KLHL12: variants seen among roughly 807,000 people sequenced by gnomAD.
KLHL12 encodes the protein kelch like family member 12, also known as kelch-like protein 12.
In KLHL12, 17 loss-of-function variants were observed where a neutral mutation model predicts 60.8. That is an observed-to-expected ratio of 0.28 (90% confidence interval 0.19 to 0.42). The LOEUF is 0.42. Ranked by LOEUF, KLHL12 falls within the 10% of genes least tolerant of loss-of-function variation. The pLI is 1.00. For missense variants in KLHL12, 468 were observed against 722.3 expected (o/e 0.65, Z 4.04); for synonymous variants, 220 against 250.9 (o/e 0.88, Z 1.16).
At chr1:202,919,487 A>C (rs548201594) in intron 3 of KLHL12, among the ~76,000 whole-genome samples, 5 of 152,184 alleles carry the variant, frequency 3.3e-5, no homozygotes, top group Admixed American at 1.3e-4. Flanking sequence ...AAGAAAACAC[A>C]TAATTTCTCC....
intron 11 of KLHL12, 38 bp from the exon 12 acceptor site, chr1:202,892,697 C>G: frequency 3.7e-6 from 6 of 1,606,270 alleles, no homozygotes; most frequent in Non-Finnish European, 5.1e-6. Context: ...AATGAGTCAG[C>G]TGCGTGCAGT....
chr1:202,906,231 T>A (rs1046513007), intron 6 of KLHL12, among the ~76,000 whole-genome samples: 2 of 149,438 alleles, frequency 1.3e-5, no homozygotes, highest in Middle Eastern at 3.2e-3. Context: ...GGTGGGCGGA[T>A]CACCTGACGT....
At position 202,900,846 on chromosome 1, in the gene KLHL12, A is replaced by G. The variant is rs142286273; in HGVS notation, c.833-3886T>C. Among the ~76,000 whole-genome samples the G allele has an allele frequency of 2.4e-3, 360 of 152,270 alleles. 1 individual carries two copies. Among genetic ancestry groups the G allele is most frequent in the African/African-American group, 8.4e-3 (347 of 41,550 alleles). On this transcript the variant is annotated intron_variant, in intron 6 of 11. Transcript: ENST00000367261. ...ACCACTGCACTCCAGCCTAGGTGAC[A>G]GAGCAAGACTCTGTCTCAAAAAAAT...
In KLHL12 at chr1:202,918,478, G is replaced by A. The variant is rs1197103356; in HGVS notation, c.350-90C>T. ...TTGTATCTCAGCATCTTCTCTACATGTTATCAGATGAACCCTTGTTTCAAC... is the reference window on the plus strand; with the variant it reads ...TTGTATCTCAGCATCTTCTCTACATATTATCAGATGAACCCTTGTTTCAAC... On this transcript the variant is annotated intron_variant, in intron 3 of 11. Transcript: ENST00000367261. 1.4e-5 allele frequency: 13 copies of A among 950,342 alleles called. No individual in the cohort carries two copies. In the Admixed American group the frequency reaches 2.7e-4, roughly 19 times the overall value. The allele number at this position is 950,342 out of a possible 1,614,324, so 58.9% of individuals were successfully genotyped here.
At chr1:202,903,579 C>T (rs1224048636) in intron 6 of KLHL12, among the ~76,000 whole-genome samples, 1 of 144,660 alleles carries the variant, frequency 6.9e-6, no homozygotes, top group Non-Finnish European at 1.5e-5. Flanking sequence ...ATCCTCCTAG[C>T]CTCCCACTTC....
chr1:202,918,083 A>G (rs1660576188), intron 4 of KLHL12, 88 bp downstream of exon 4: 1 of 921,398 alleles, frequency 1.1e-6, no homozygotes, highest in East Asian at 2.4e-5. Context: ...TTAATTATGA[A>G]GCCCTGATGG....
intron 6 of KLHL12, 152 bp from the exon 7 acceptor site, chr1:202,897,112 C>T (rs1659858790): frequency 6.0e-6 from 4 of 662,974 alleles, no homozygotes; most frequent in African/African-American, 1.8e-5. Context: ...ATAAGGCTGT[C>T]GAATGGGGAG....
rs111650099 is a variant in KLHL12 at position 202,898,658 on chromosome 1, G to C, written c.833-1698C>G. On this transcript the variant is annotated intron_variant, in intron 6 of 11. Transcript: ENST00000367261. The stretch of plus-strand genomic sequence containing the variant: ...ATGACACTACAAAGATGCAACAGCA[G>C]AGTCTAGAATGTGGGAAATTCTACA... Among the ~76,000 whole-genome samples the C allele has an allele frequency of 3.7e-3, 559 of 152,220 alleles. 7 individuals carry two copies. Among genetic ancestry groups the C allele is most frequent in the Non-Finnish European group, 5.2e-3 (351 of 68,026 alleles).
intron 4 of KLHL12, chr1:202,912,005 T>C (rs1403528431): frequency 3.8e-6 from 3 of 792,860 alleles, no homozygotes; most frequent in East Asian, 2.4e-5. Flanking sequence ...ACATATGCCA[T>C]TGTGGAGGAG....
At chr1:202,903,486 G>A (rs1329106338) in intron 6 of KLHL12, among the ~76,000 whole-genome samples, 5 of 146,952 alleles carry the variant, frequency 3.4e-5, no homozygotes, top group Non-Finnish European at 6.0e-5. Context: ...TTGAGACAAG[G>A]TCTTGCTCTG....
chr1:202,897,501 G>A (rs766250259), intron 6 of KLHL12, among the ~76,000 whole-genome samples: 1 of 151,856 alleles, frequency 6.6e-6, no homozygotes, highest in Non-Finnish European at 1.5e-5. Flanking sequence ...TGGGATTACA[G>A]GTGTGAGTCA....
At chr1:202,906,370 G>GAACGCAGGAGAATCA (rs1660189033) in intron 6 of KLHL12, among the ~76,000 whole-genome samples, 1 of 144,822 alleles carries the variant, frequency 6.9e-6, no homozygotes, top group Non-Finnish European at 1.5e-5. Flanking sequence ...CAGGAGAATC[G>GAACGCAGGAGAATCA]CTTGAACCCA....
chr1:202,928,116 T>C (rs1330014335), upstream of KLHL12, among the ~76,000 whole-genome samples: 4 of 149,400 alleles, frequency 2.7e-5, no homozygotes, highest in South Asian at 2.1e-4. Context: ...CCACTAAAAA[T>C]ACAAAAAAAT....
rs897702380 is a variant in KLHL12, at chr1:202,925,903, G to A, written c.-45-696C>T. ...GGTGATCAGTTGAGGTCAGGAGTTT[G>A]AGAGCAGCCTGGCCAACATGGTGAA... On this transcript the variant is annotated intron_variant, in intron 1 of 11. Coordinates refer to ENST00000367261, the MANE Select transcript of KLHL12 (RefSeq NM_021633.4). Among the ~76,000 whole-genome samples the A allele has an allele frequency of 3.3e-5, 5 of 152,066 alleles. No individual in the cohort carries two copies. The East Asian group carries it at 9.6e-4, about 29-fold the overall frequency.
chr1:202,898,270 T>C (rs1659903490), intron 6 of KLHL12, among the ~76,000 whole-genome samples: 2 of 152,116 alleles, frequency 1.3e-5, no homozygotes. Flanking sequence ...TTAGAACTCA[T>C]GGAGAGAATA....
Position 202,925,069 on chromosome 1 carries a change from G to C in KLHL12, c.94C>G (p.Leu32Val). The C allele has an allele frequency of 6.2e-7, 1 of 1,614,138 alleles. No homozygotes were observed. Among genetic ancestry groups the C allele is most frequent in the Admixed American group, 1.7e-5 (1 of 60,018 alleles). ...TCTACTCTCAATGTCACATCACAGA[G>C]GGTATTGCTCTTCCTGAGGGAGTTC... ...SMNSLRKSNT[L>V]CDVTLRVEQK... Residue 32 changes from leucine (L) to valine (V), a missense_variant, in exon 2 of 12, where the codon CTC becomes GTC. Coordinates refer to ENST00000367261, the MANE Select transcript of KLHL12 (RefSeq NM_021633.4).
intron 6 of KLHL12, among the ~76,000 whole-genome samples, chr1:202,905,071 C>T (rs1660141214): frequency 6.6e-6 from 1 of 152,190 alleles, no homozygotes; most frequent in Admixed American, 6.5e-5. Flanking sequence ...TGCTAAGGCA[C>T]TGACAAAGCG....
Position 202,892,437 on chromosome 1 carries a change from C to T in KLHL12, c.*96G>A. ...CTGGTGCCTGTAATCACCCGGTGCA[C>T]ATAGTGAGAAACAGACATTCTGGAA... On this transcript the variant is annotated 3_prime_UTR_variant, in exon 12 of 12. Transcript: ENST00000367261. 5.8e-6 allele frequency: 8 copies of T among 1,389,212 alleles called. No homozygotes were observed. The highest frequency in any genetic ancestry group is 1.3e-5 in the South Asian group (1 of 78,528). The allele number at this position is 1,389,212 out of a possible 1,614,324, so 86.1% of individuals were successfully genotyped here. A position where few individuals can be genotyped will look rare whatever the true frequency, so the allele number is the denominator to read the frequency against.
At chr1:202,912,308 G>C in intron 4 of KLHL12, 2 of 822,490 alleles carry the variant, frequency 2.4e-6, no homozygotes, top group Non-Finnish European at 4.2e-6. Context: ...CTGCCATTCA[G>C]AAATACCATC....
Sources: gnomAD v4.1 joint callset for allele counts (sites outside exome capture counted in the v4.1 genomes callset) on GRCh38, gnomAD v4.1.1 for gene constraint, MANE v1.5 for transcripts, NCBI Gene and HGNC (gene_info 2026-07-23, HGNC 2026-07-21) for gene names.